Variants in RPH3AL observed in about 807,000 individuals in gnomAD.
RPH3AL encodes the protein rabphilin 3A like (without C2 domains).
In RPH3AL, 38 loss-of-function variants were observed where a neutral mutation model predicts 43.1. That is an observed-to-expected ratio of 0.88 (90% CI 0.68 to 1.15). RPH3AL has a LOEUF of 1.15. Among genes scored for constraint, RPH3AL ranks in the 50% most tolerant of loss-of-function variants. The probability of loss-of-function intolerance (pLI) is 0.00; values close to 1 mark genes in which losing one functional copy is unlikely to be tolerated. For missense variants in RPH3AL, 462 were observed against 423.2 expected (o/e 1.09, Z -0.81); for synonymous variants, 189 against 176.3 (o/e 1.07, Z -0.57).
intron 3 of RPH3AL, 121 bp downstream of exon 3, chr17:327,346 C>A (rs568315677): frequency 1.2e-6 from 1 of 859,640 alleles, no homozygotes; most frequent in African/African-American, 1.7e-5. Flanking sequence ...GGCATGCATC[C>A]GACAGGCACC....
chr17:332,212 C>A (rs988474019), intron 2 of RPH3AL: 6 of 309,608 alleles, frequency 1.9e-5, no homozygotes, highest in Non-Finnish European at 3.8e-5. Flanking sequence ...GAGACGTGAT[C>A]CCCAGGGCCA....
chr17:281,916 TCA>T, intron 5 of RPH3AL, 62 bp from the exon 6 acceptor site: 1 of 1,295,988 alleles, frequency 7.7e-7, no homozygotes. Flanking sequence ...GCCGAGGGGC[TCA>T]GACAACTGTA....
intron 7 of RPH3AL, among the ~76,000 whole-genome samples, chr17:230,758 G>A (rs1285150114): frequency 6.6e-6 from 1 of 152,208 alleles, no homozygotes; most frequent in African/African-American, 2.4e-5. Context: ...GCTTTCGGGT[G>A]CATCCTGACT....
At position 290,038 on chromosome 17, in the gene RPH3AL, CG is replaced by C. The variant is rs1567617742; in HGVS notation, c.352-8185del. Among the ~76,000 whole-genome samples, 1 of 152,172 alleles carries C rather than the reference CG, an allele frequency of 6.6e-6. No individual in the cohort carries two copies. The highest frequency in any genetic ancestry group is 2.4e-5 in the African/African-American group (1 of 41,434). ...TGTTCACCCTCCTGCTCCCTGTGCC[CG>C]GCACAGTGACTATTTGCAGAAGAAC... On this transcript the variant is annotated intron_variant, in intron 5 of 9. Transcript: ENST00000331302. This position sits in a 1 kb window ranked among gnomAD's most constrained non-coding sequence, Gnocchi z 4.2.
intron 3 of RPH3AL, 76 bp from the exon 4 acceptor site, chr17:321,491 GC>G (rs557627111): frequency 5.3e-5 from 76 of 1,437,376 alleles, no homozygotes; most frequent in Non-Finnish European, 6.1e-5. Context: ...CATCCACCAA[GC>G]CCCCCCGAGA....
In RPH3AL at chr17:246,314, A is replaced by G. The variant is rs1254687015; in HGVS notation, c.613+797T>C. ...GCCTGCCGTCTCATCTAAGACCCTC[A>G]GACCCTGAGTATTTGGCAGAAACGT... On this transcript the variant is annotated intron_variant, in intron 7 of 9. Coordinates refer to ENST00000331302, the MANE Select transcript of RPH3AL (RefSeq NM_006987.4). This position sits in a 1 kb window ranked among gnomAD's most constrained non-coding sequence, Gnocchi z 4.8. 6.6e-6 allele frequency among the ~76,000 whole-genome samples: 1 copy of G among 152,042 alleles called. No individual in the cohort carries two copies. Among genetic ancestry groups the G allele is most frequent in the Non-Finnish European group, 1.5e-5 (1 of 68,002 alleles).
intron 3 of RPH3AL, 167 bp from the exon 4 acceptor site, chr17:321,582 T>TGGCCCAGGTGGCAAAAGAGAC: frequency 1.8e-6 from 1 of 551,806 alleles, no homozygotes; most frequent in Non-Finnish European, 2.8e-6. Flanking sequence ...GCAACAGAGA[T>TGGCCCAGGTGGCAAAAGAGAC]GGCCCAGGTG....
At chr17:237,240 T>C (rs1417969320) in intron 7 of RPH3AL, among the ~76,000 whole-genome samples, 1 of 152,210 alleles carries the variant, frequency 6.6e-6, no homozygotes, top group African/African-American at 2.4e-5. Context: ...AGTTTGGAAT[T>C]TGTAAAATCT....
intron 8 of RPH3AL, among the ~76,000 whole-genome samples, chr17:216,446 C>CT (rs1396417034): frequency 2.0e-5 from 3 of 152,114 alleles, no homozygotes; most frequent in African/African-American, 4.8e-5. Flanking sequence ...CCTTAACTCA[C>CT]TAAAGGGTCT....
intron 3 of RPH3AL, 167 bp from the exon 4 acceptor site, chr17:321,582 T>C (rs111911315): frequency 0.062 from 34,186 of 551,464 alleles, 1,496 homozygotes; most frequent in Admixed American, 0.13. Flanking sequence ...GCAACAGAGA[T>C]GGCCCAGGTG....
intron 7 of RPH3AL, among the ~76,000 whole-genome samples, chr17:223,315 A>C (rs1309087092): frequency 6.6e-6 from 1 of 152,212 alleles, no homozygotes; most frequent in Non-Finnish European, 1.5e-5. Context: ...TACCAAGTAC[A>C]ACAGCACAGG....
intron 6 of RPH3AL, among the ~76,000 whole-genome samples, chr17:273,302 G>A (rs866186296): frequency 3.7e-4 from 30 of 81,676 alleles, no homozygotes; most frequent in African/African-American, 6.3e-4. Context: ...TGACGTCAGG[G>A]AGAGACCCCA....
intron 4 of RPH3AL, among the ~76,000 whole-genome samples, chr17:320,701 A>G (rs2044444794): frequency 6.6e-6 from 1 of 152,166 alleles, no homozygotes; most frequent in African/African-American, 2.4e-5. Flanking sequence ...GAATGAAATC[A>G]ATTCCTGCCC....
At chr17:327,982 G>C (rs923912487) in intron 2 of RPH3AL, among the ~76,000 whole-genome samples, 4 of 152,186 alleles carry the variant, frequency 2.6e-5, no homozygotes, top group African/African-American at 9.7e-5. Flanking sequence ...GGGCTGGGCT[G>C]GGGGGTGATG....
intron 1 of RPH3AL, among the ~76,000 whole-genome samples, chr17:348,501 G>C (rs1298114023): frequency 1.4e-5 from 2 of 142,274 alleles, no homozygotes; most frequent in African/African-American, 2.6e-5. Context: ...TGTACTTTTT[G>C]TTCAATTTTT....
At chr17:351,439 A>G (rs768424510) in intron 1 of RPH3AL, among the ~76,000 whole-genome samples, 8 of 152,006 alleles carry the variant, frequency 5.3e-5, no homozygotes, top group African/African-American at 1.2e-4. Flanking sequence ...TCTGTTCCCT[A>G]CAGGACTCAC....
intron 1 of RPH3AL, among the ~76,000 whole-genome samples, chr17:348,139 C>G (rs2045279641): frequency 6.7e-6 from 1 of 149,958 alleles, no homozygotes; most frequent in Non-Finnish European, 1.5e-5. Flanking sequence ...GGAAACCAGT[C>G]TGAAAGGGCT....
chr17:243,039 C>T (rs1446461223), intron 7 of RPH3AL, among the ~76,000 whole-genome samples: 1 of 115,756 alleles, frequency 8.6e-6, no homozygotes, highest in Admixed American at 7.8e-5. Flanking sequence ...CTATTGAATA[C>T]CATCCTCTAT....
intron 6 of RPH3AL, among the ~76,000 whole-genome samples, chr17:268,663 C>A (rs892474757): frequency 3.7e-4 from 53 of 142,674 alleles, no homozygotes; most frequent in African/African-American, 1.4e-3. Context: ...CAGGTTCAAG[C>A]AATCCTCCGA....
Sources: gnomAD v4.1 joint callset for allele counts (sites outside exome capture counted in the v4.1 genomes callset) on GRCh38, gnomAD v4.1.1 for gene constraint, Gnocchi (gnomAD v3.1) non-coding constraint, MANE v1.5 for transcripts, NCBI Gene and HGNC (gene_info 2026-07-23, HGNC 2026-07-21) for gene names.